The following MB21D2 variants were observed in gnomAD, a reference collection of about 807,000 sequenced individuals.
The protein encoded by MB21D2 is nucleotidyltransferase MB21D2.
MB21D2 carries 9 observed loss-of-function variants against 33.3 expected under a neutral mutation model. The observed-to-expected ratio is 0.27, with a 90% CI of 0.16 to 0.47. The LOEUF (loss-of-function observed/expected upper bound fraction) is 0.47, where lower values mean the gene tolerates loss of function less well. Ranked by LOEUF, MB21D2 falls within the 20% of genes least tolerant of loss-of-function variation. The pLI, the probability that MB21D2 is intolerant of heterozygous loss-of-function variation, is 0.99. For missense variants in MB21D2, 540 were observed against 624.6 expected (o/e 0.86, Z 1.44); for synonymous variants, 241 against 236.3 (o/e 1.02, Z -0.18).
chr3:192,818,383 C>T (rs1372822012), intron 1 of MB21D2, among the ~76,000 whole-genome samples: 2 of 152,174 alleles, frequency 1.3e-5, no homozygotes, highest in South Asian at 2.1e-4. Context: ...AGTTGGATTG[C>T]TTTCACATGC....
At chr3:192,864,540 CTT>C (rs1242815458) in intron 1 of MB21D2, among the ~76,000 whole-genome samples, 1 of 152,108 alleles carries the variant, frequency 6.6e-6, no homozygotes, top group Non-Finnish European at 1.5e-5. Context: ...GAGTTTTGCT[CTT>C]GTCATCCTGG....
At chr3:192,822,775 C>CTGAAT (rs1712089291) in intron 1 of MB21D2, among the ~76,000 whole-genome samples, 1 of 152,218 alleles carries the variant, frequency 6.6e-6, no homozygotes, top group African/African-American at 2.4e-5. Flanking sequence ...GATGAGAACA[C>CTGAAT]TGAATGTCAA....
chr3:192,837,724 A>G (rs996879311), intron 1 of MB21D2, among the ~76,000 whole-genome samples: 8 of 152,238 alleles, frequency 5.3e-5, no homozygotes, highest in African/African-American at 1.9e-4. Context: ...GACATTCCAT[A>G]TCATGAGTCT....
At chr3:192,806,918 C>A (rs1711677138) in intron 1 of MB21D2, among the ~76,000 whole-genome samples, 1 of 152,126 alleles carries the variant, frequency 6.6e-6, no homozygotes, top group African/African-American at 2.4e-5. Flanking sequence ...TCATTTATGA[C>A]CAACATCAAC....
rs58263373 is a variant in MB21D2 at position 192,849,922 on chromosome 3, CT to C, written c.212-50273del. ...CAGAAACATGTCATATAAAAATTTTCTTTTTTTTTTTTTTTCGAGACAGTCT... is the reference window on the plus strand; with the variant it reads ...CAGAAACATGTCATATAAAAATTTTCTTTTTTTTTTTTTTCGAGACAGTCT... On this transcript the variant is annotated intron_variant, in intron 1 of 1. Coordinates refer to ENST00000392452, the MANE Select transcript of MB21D2 (RefSeq NM_178496.4). Among the ~76,000 whole-genome samples, 519 of 139,866 alleles carry C rather than the reference CT, an allele frequency of 3.7e-3. 1 individual carries two copies. The highest frequency in any genetic ancestry group is 9.8e-3 in the African/African-American group (375 of 38,394). The allele number at this position is 139,866 out of a possible 152,430, so 91.8% of individuals were successfully genotyped here.
chr3:192,817,623 T>C (rs1560229468), intron 1 of MB21D2, among the ~76,000 whole-genome samples: 1 of 152,202 alleles, frequency 6.6e-6, no homozygotes, highest in Non-Finnish European at 1.5e-5. Flanking sequence ...TACTTCAGAT[T>C]CTGTCCTTAA....
At chr3:192,818,174 T>C (rs1167165157) in intron 1 of MB21D2, among the ~76,000 whole-genome samples, 4 of 152,102 alleles carry the variant, frequency 2.6e-5, no homozygotes, top group Non-Finnish European at 2.9e-5. Context: ...TTTGAGCTCA[T>C]TCTCATGTCT....
At chr3:192,851,274 T>C (rs1013165486) in intron 1 of MB21D2, among the ~76,000 whole-genome samples, 1 of 152,148 alleles carries the variant, frequency 6.6e-6, no homozygotes, top group East Asian at 1.9e-4. Context: ...ATTATGCAAT[T>C]CCATTTATAT....
rs1711583935 is a variant in MB21D2, at chr3:192,802,672, T to G, written c.212-3022A>C. On this transcript the variant is annotated intron_variant, in intron 1 of 1. Transcript: ENST00000392452. ...TGGTTATTGCTTTAAAGGATAAAATTGATTTCTCAGATTCCAGATTAGGTT... is the reference window on the plus strand; with the variant it reads ...TGGTTATTGCTTTAAAGGATAAAATGGATTTCTCAGATTCCAGATTAGGTT... Among the ~76,000 whole-genome samples, 4 of 152,204 alleles carry G rather than the reference T, an allele frequency of 2.6e-5. No individual in the cohort carries two copies. The South Asian group carries it at 8.3e-4, about 32-fold the overall frequency.
At chr3:192,812,878 C>T (rs927969598) in intron 1 of MB21D2, among the ~76,000 whole-genome samples, 18 of 151,944 alleles carry the variant, frequency 1.2e-4, no homozygotes, top group Admixed American at 3.3e-4. Context: ...TTGATGCATA[C>T]GTGGAGAACC....
Position 192,896,253 on chromosome 3 carries a change from TCACACAAGCTGTCC to T in MB21D2, c.211+21363_211+21376del, listed in dbSNP as rs540178858. On this transcript the variant is annotated intron_variant, in intron 1 of 1. Transcript: ENST00000392452. ...TTCAGAAAGGATAGTTTGCCCAAGGTCACACAAGCTGTCCCACACAAGCTGTCCCACACAAGCTG... is the reference window on the plus strand; with the variant it reads ...TTCAGAAAGGATAGTTTGCCCAAGGTCACACAAGCTGTCCCACACAAGCTG... Among the ~76,000 whole-genome samples the T allele has an allele frequency of 6.0e-3, 906 of 152,238 alleles. 9 individuals are homozygous for T. Among genetic ancestry groups the T allele is most frequent in the African/African-American group, 0.019 (769 of 41,530 alleles).
At chr3:192,804,988 A>G (rs925566649) in intron 1 of MB21D2, among the ~76,000 whole-genome samples, 7 of 152,224 alleles carry the variant, frequency 4.6e-5, no homozygotes, top group Admixed American at 6.5e-5. Flanking sequence ...GAAATCATCT[A>G]TCTGAAGAAA....
chr3:192,802,888 T>C (rs1711586579), intron 1 of MB21D2, among the ~76,000 whole-genome samples: 1 of 152,218 alleles, frequency 6.6e-6, no homozygotes, highest in Non-Finnish European at 1.5e-5. Context: ...AAGATCTGAA[T>C]CTATTAAAGT....
At chr3:192,916,785 G>A (rs534473278) in intron 1 of MB21D2, among the ~76,000 whole-genome samples, 3 of 152,320 alleles carry the variant, frequency 2.0e-5, no homozygotes, top group South Asian at 4.1e-4. Flanking sequence ...AGGGGCTGGA[G>A]GTGGGAGTGG....
At chr3:192,890,920 T>G (rs780718530) in intron 1 of MB21D2, among the ~76,000 whole-genome samples, 32 of 152,058 alleles carry the variant, frequency 2.1e-4, no homozygotes, top group Admixed American at 1.6e-3. Context: ...TCATAAAAAC[T>G]CAGTTTATCC....
intron 1 of MB21D2, among the ~76,000 whole-genome samples, chr3:192,874,943 T>C (rs987771283): frequency 1.3e-5 from 2 of 151,904 alleles, no homozygotes; most frequent in African/African-American, 4.8e-5. Flanking sequence ...TGCTTTACAG[T>C]CACTGCACTG....
At chr3:192,870,528 A>G (rs1250014265) in intron 1 of MB21D2, among the ~76,000 whole-genome samples, 1 of 151,868 alleles carries the variant, frequency 6.6e-6, no homozygotes, top group Non-Finnish European at 1.5e-5. Flanking sequence ...CACCTTTACT[A>G]AAACTACAAA....
chr3:192,879,918 T>C (rs1435718482), intron 1 of MB21D2, among the ~76,000 whole-genome samples: 3 of 152,122 alleles, frequency 2.0e-5, no homozygotes, highest in Non-Finnish European at 1.5e-5. Context: ...AAGGAGAGGA[T>C]GAGCTCACTC....
intron 1 of MB21D2, among the ~76,000 whole-genome samples, chr3:192,842,846 T>G (rs1223116856): frequency 6.6e-6 from 1 of 152,186 alleles, no homozygotes; most frequent in African/African-American, 2.4e-5. Context: ...CTGTGCATGT[T>G]AAGTGCAGTT....
Sources: allele counts gnomAD v4.1 joint callset (sites outside exome capture counted in the v4.1 genomes callset), GRCh38; gene constraint gnomAD v4.1.1; transcripts MANE v1.5; gene names NCBI Gene and HGNC (gene_info 2026-07-23, HGNC 2026-07-21).